SH3GL3: variants seen among roughly 807,000 people sequenced by gnomAD.
The protein encoded by SH3GL3 is endophilin-A3.
In SH3GL3, 33 loss-of-function variants were observed where a neutral mutation model predicts 47.7. The ratio of observed to expected loss-of-function variants is 0.69; its 90% CI spans 0.52 to 0.92. SH3GL3 has a LOEUF of 0.92. SH3GL3 is among the 40% of genes least tolerant of loss of function. SH3GL3 has a pLI of 0.00. For missense variants in SH3GL3, 363 were observed against 417.8 expected, an observed-to-expected ratio of 0.87 and a Z score of 1.14; for synonymous variants, 155 against 148.8, an observed-to-expected ratio of 1.04 and a Z score of -0.30.
At chr15:83,591,853 T>A (rs1276911954) in intron 8 of SH3GL3, among the ~76,000 whole-genome samples, 1 of 151,952 alleles carries the variant, frequency 6.6e-6, no homozygotes, top group Non-Finnish European at 1.5e-5. Flanking sequence ...GCCTGGCTAA[T>A]TTTTTGTATT....
intron 1 of SH3GL3, among the ~76,000 whole-genome samples, chr15:83,529,735 T>G (rs2043585996): frequency 6.6e-6 from 1 of 151,158 alleles, no homozygotes; most frequent in African/African-American, 2.4e-5. Flanking sequence ...GTGGGGTGGC[T>G]GTTAGTGGGA....
intron 1 of SH3GL3, among the ~76,000 whole-genome samples, chr15:83,513,184 G>A (rs1193748145): frequency 1.3e-5 from 2 of 152,232 alleles, no homozygotes; most frequent in African/African-American, 2.4e-5. Context: ...AGAGGCGTGG[G>A]ATTGGAAGGG....
At chr15:83,607,065 T>C (rs1037707633) in intron 8 of SH3GL3, among the ~76,000 whole-genome samples, 2 of 152,278 alleles carry the variant, frequency 1.3e-5, no homozygotes, top group African/African-American at 2.4e-5. Flanking sequence ...AGGGAATGGT[T>C]TTCTGTAATT....
intron 5 of SH3GL3, among the ~76,000 whole-genome samples, chr15:83,574,242 T>A (rs1053533834): frequency 1.3e-5 from 2 of 152,038 alleles, no homozygotes; most frequent in African/African-American, 4.8e-5. Context: ...AAGCAAAGGG[T>A]ATGAGGGAGA....
intron 1 of SH3GL3, among the ~76,000 whole-genome samples, chr15:83,467,854 G>C (rs2040638129): frequency 6.6e-6 from 1 of 151,972 alleles, no homozygotes; most frequent in African/African-American, 2.4e-5. Flanking sequence ...TTGAGACGGA[G>C]TCTCTCTCTG....
At chr15:83,580,180 C>T (rs1477929019) in intron 6 of SH3GL3, among the ~76,000 whole-genome samples, 1 of 152,162 alleles carries the variant, frequency 6.6e-6, no homozygotes. Flanking sequence ...CACTCAACCT[C>T]TTGTTGCCAT....
chr15:83,481,982 T>G (rs951238090), intron 1 of SH3GL3, among the ~76,000 whole-genome samples: 1 of 152,196 alleles, frequency 6.6e-6, no homozygotes, highest in Admixed American at 6.5e-5. Flanking sequence ...AATTTATTAC[T>G]TAACAGAAAG....
chr15:83,589,927 C>T (rs981208502), intron 8 of SH3GL3, among the ~76,000 whole-genome samples: 1 of 152,156 alleles, frequency 6.6e-6, no homozygotes, highest in Non-Finnish European at 1.5e-5. Context: ...GCATGAACAC[C>T]TGCTTCCCCA....
intron 7 of SH3GL3, 65 bp from the exon 8 acceptor site, chr15:83,588,597 G>C: frequency 2.0e-6 from 2 of 993,538 alleles, no homozygotes; most frequent in Admixed American, 1.8e-5. Context: ...ACAAGGCAGA[G>C]AGGATGTGTG....
chr15:83,536,831 A>G (rs1040536982), intron 1 of SH3GL3, among the ~76,000 whole-genome samples: 1 of 152,128 alleles, frequency 6.6e-6, no homozygotes, highest in South Asian at 2.1e-4. Flanking sequence ...TTTTCCTATT[A>G]GGTATTAATG....
At chr15:83,604,114 C>T (rs2060457517) in intron 8 of SH3GL3, among the ~76,000 whole-genome samples, 1 of 151,996 alleles carries the variant, frequency 6.6e-6, no homozygotes, top group Non-Finnish European at 1.5e-5. Flanking sequence ...CCATTGCACT[C>T]CAGGCTGGGC....
chr15:83,497,902 C>T (rs2042144319), intron 1 of SH3GL3, among the ~76,000 whole-genome samples: 1 of 152,244 alleles, frequency 6.6e-6, no homozygotes, highest in East Asian at 1.9e-4. Flanking sequence ...ATTCCTACCA[C>T]ACCACTGCTG....
intron 1 of SH3GL3, among the ~76,000 whole-genome samples, chr15:83,487,870 TTTCTTTTC>T (rs2041682326): frequency 6.8e-6 from 1 of 146,810 alleles, no homozygotes; most frequent in African/African-American, 2.4e-5. Flanking sequence ...TTCTTTTCTT[TTTCTTTTC>T]TTTTTTTTTT....
rs865954438 is a variant in SH3GL3 at position 83,473,888 on chromosome 15, G to A, written c.45+26310G>A. On this transcript the variant is annotated intron_variant, in intron 1 of 8. Transcript: ENST00000427482. ...TTTTTTTATGTCCATGCGCATTTCC[G>A]TGTTGCTGGCTTCTTCAGCTCCAAA... 7.2e-4 allele frequency among the ~76,000 whole-genome samples: 108 copies of A among 149,084 alleles called. 1 individual carries two copies. Among genetic ancestry groups the A allele is most frequent in the African/African-American group, 2.2e-3 (88 of 40,560 alleles).
At chr15:83,532,011 T>C (rs1334006074) in intron 1 of SH3GL3, among the ~76,000 whole-genome samples, 1 of 152,212 alleles carries the variant, frequency 6.6e-6, no homozygotes, top group Admixed American at 6.5e-5. Flanking sequence ...TGCTGACTTA[T>C]TGGCTGTTTT....
intron 8 of SH3GL3, among the ~76,000 whole-genome samples, chr15:83,605,435 A>G (rs1017936096): frequency 6.6e-6 from 1 of 152,162 alleles, no homozygotes; most frequent in African/African-American, 2.4e-5. Flanking sequence ...TTTGCACATA[A>G]TGTTTATAAA....
At chr15:83,557,175 G>C (rs915328389) in intron 1 of SH3GL3, among the ~76,000 whole-genome samples, 3 of 152,186 alleles carry the variant, frequency 2.0e-5, no homozygotes, top group Non-Finnish European at 1.5e-5. Flanking sequence ...AAAACGTGGA[G>C]GTGCCACTCC....
downstream of SH3GL3, among the ~76,000 whole-genome samples, chr15:83,623,305 G>T (rs1366427635): frequency 6.6e-6 from 1 of 152,212 alleles, no homozygotes; most frequent in African/African-American, 2.4e-5. Context: ...TCACAAGTCT[G>T]CAAGTTGGTG....
chr15:83,518,812 C>G (rs1477188789), intron 1 of SH3GL3, among the ~76,000 whole-genome samples: 1 of 152,086 alleles, frequency 6.6e-6, no homozygotes, highest in Non-Finnish European at 1.5e-5. Flanking sequence ...TAAATTCTTT[C>G]CTAAGGCTGA....
Sources: allele counts gnomAD v4.1 joint callset (sites outside exome capture counted in the v4.1 genomes callset), GRCh38; gene constraint gnomAD v4.1.1; transcripts MANE v1.5; gene names NCBI Gene and HGNC (gene_info 2026-07-23, HGNC 2026-07-21).